LARGE1: variants seen among roughly 807,000 people sequenced by gnomAD.
LARGE1 encodes xylosyl- and glucuronyltransferase LARGE1.
In LARGE1, 43 loss-of-function variants were observed where a neutral mutation model predicts 87.6. The ratio of observed to expected loss-of-function variants is 0.49; its 90% CI spans 0.38 to 0.63. The LOEUF (loss-of-function observed/expected upper bound fraction) is 0.63, where lower values mean the gene tolerates loss of function less well. Among genes scored for constraint, LARGE1 ranks in the 30% least tolerant of loss-of-function variants. The pLI is 0.00. For synonymous variants in LARGE1, 434 were observed against 394.6 expected (o/e 1.10, Z -1.18); for missense variants, 802 against 1,000.2 (o/e 0.80, Z 2.67).
chr22:33,464,293 A>G (rs1452068886), intron 6 of LARGE1, among the ~76,000 whole-genome samples: 1 of 152,218 alleles, frequency 6.6e-6, no homozygotes, highest in African/African-American at 2.4e-5. Flanking sequence ...GAATACAATA[A>G]GAAGAGTATT....
chr22:33,403,015 G>A (rs1363149047), intron 7 of LARGE1, among the ~76,000 whole-genome samples: 1 of 152,156 alleles, frequency 6.6e-6, no homozygotes, highest in African/African-American at 2.4e-5. Context: ...ATGGGGTGAT[G>A]TGGAATATGA....
intron 6 of LARGE1, among the ~76,000 whole-genome samples, chr22:33,518,133 A>G (rs889598418): frequency 3.9e-5 from 6 of 152,230 alleles, no homozygotes; most frequent in African/African-American, 1.2e-4. Flanking sequence ...AAGCTAGAAT[A>G]ATGGTTAATG....
intron 6 of LARGE1, among the ~76,000 whole-genome samples, chr22:33,535,310 G>A (rs772967937): frequency 2.0e-5 from 3 of 152,168 alleles, no homozygotes; most frequent in Non-Finnish European, 4.4e-5. Context: ...TTGGGAGGCC[G>A]AGGTGGGTGG....
chr22:33,091,364 C>T, the LARGE1 span, among the ~76,000 whole-genome samples: 1 of 152,076 alleles, frequency 6.6e-6, no homozygotes, highest in Non-Finnish European at 1.5e-5. Context: ...AGTTCAAGAC[C>T]AGCCTGACCA....
intron 5 of LARGE1, among the ~76,000 whole-genome samples, chr22:33,567,886 G>C (rs2078074966): frequency 6.6e-6 from 1 of 152,146 alleles, no homozygotes; most frequent in African/African-American, 2.4e-5. Context: ...TTCTGAGTTA[G>C]TTCACTTAGG....
chr22:33,592,692 C>T (rs1032658248), intron 5 of LARGE1, among the ~76,000 whole-genome samples: 1 of 147,906 alleles, frequency 6.8e-6, no homozygotes, highest in African/African-American at 2.6e-5. Context: ...ACTCTGTACA[C>T]ACTGTCTGCC....
Position 33,909,541 on chromosome 22 carries a change from T to C in LARGE1, c.-83+10454A>G, listed in dbSNP as rs1294014413. ...TCTTTTGTTTTTTTTTTTTTGTTTTTGTTTTTGTTTTTGAGACGGAGTCTC... is the reference window on the plus strand; with the variant it reads ...TCTTTTGTTTTTTTTTTTTTGTTTTCGTTTTTGTTTTTGAGACGGAGTCTC... On this transcript the variant is annotated intron_variant, in intron 1 of 14. Transcript: ENST00000397394. Among the ~76,000 whole-genome samples, 4 of 151,778 alleles carry C rather than the reference T, an allele frequency of 2.6e-5. No individual in the cohort carries two copies. The East Asian group carries it at 7.8e-4, about 29-fold the overall frequency.
At chr22:33,376,085 A>T (rs1008483827) in intron 9 of LARGE1, among the ~76,000 whole-genome samples, 1 of 152,210 alleles carries the variant, frequency 6.6e-6, no homozygotes, top group African/African-American at 2.4e-5. Context: ...TTTCTTCCAG[A>T]AATATTTTAA....
chr22:33,184,727 C>A (rs1350437852), intron 11 of LARGE1, among the ~76,000 whole-genome samples: 1 of 151,864 alleles, frequency 6.6e-6, no homozygotes, highest in African/African-American at 2.4e-5. Context: ...AAATGAACAA[C>A]CTAATTCTAA....
At chr22:33,753,536 T>C (rs898366251) in intron 2 of LARGE1, among the ~76,000 whole-genome samples, 2 of 152,018 alleles carry the variant, frequency 1.3e-5, no homozygotes, top group African/African-American at 4.8e-5. Context: ...ATAATAAATG[T>C]ATGGTTTTTT....
intron 6 of LARGE1, among the ~76,000 whole-genome samples, chr22:33,487,174 T>C (rs1403316195): frequency 1.3e-5 from 2 of 152,186 alleles, no homozygotes; most frequent in African/African-American, 4.8e-5. Flanking sequence ...AAATTATTCA[T>C]TCATTCACCT....
At chr22:33,486,424 TA>T (rs1156580405) in intron 6 of LARGE1, among the ~76,000 whole-genome samples, 1 of 152,120 alleles carries the variant, frequency 6.6e-6, no homozygotes, top group East Asian at 1.9e-4. Flanking sequence ...ATCAATTGGC[TA>T]ATCAGCACAG....
intron 2 of LARGE1, among the ~76,000 whole-genome samples, chr22:33,735,461 G>A (rs572677451): frequency 5.3e-4 from 80 of 152,078 alleles, no homozygotes; most frequent in African/African-American, 1.7e-3. Context: ...ACAGAGGTCC[G>A]TCCTAGCTAA....
intron 1 of LARGE1, among the ~76,000 whole-genome samples, chr22:33,898,279 T>C (rs1480397972): frequency 1.3e-5 from 2 of 151,994 alleles, no homozygotes; most frequent in Admixed American, 6.6e-5. Context: ...ACGGTTCCCT[T>C]GATCTGGGCC....
At chr22:33,800,566 T>C (rs758562305) in intron 1 of LARGE1, among the ~76,000 whole-genome samples, 17 of 152,176 alleles carry the variant, frequency 1.1e-4, no homozygotes, top group Non-Finnish European at 2.2e-4. Flanking sequence ...CACCCCACCC[T>C]AGTCCCTGGC....
In LARGE1 at chr22:33,881,151, G is replaced by A. The variant is rs114649782; in HGVS notation, c.-83+38844C>T. Among the ~76,000 whole-genome samples, 1,278 of 152,132 alleles carry A rather than the reference G, an allele frequency of 8.4e-3. 14 individuals are homozygous for A. The highest frequency in any genetic ancestry group is 0.029 in the African/African-American group (1,218 of 41,470). On this transcript the variant is annotated intron_variant, in intron 1 of 14. Transcript: ENST00000397394. ...CAGGCTCCCATATGGAGAGTCTGACGTTCCAGATGCCTTCTTGTGTACCAG... is the reference window on the plus strand; with the variant it reads ...CAGGCTCCCATATGGAGAGTCTGACATTCCAGATGCCTTCTTGTGTACCAG...
intron 1 of LARGE1, chr22:33,861,740 A>T (rs2063929408): frequency 6.6e-6 from 1 of 152,224 alleles, no homozygotes; most frequent in Non-Finnish European, 1.5e-5. Flanking sequence ...GGATTATGCA[A>T]CTCACTTCTG....
chr22:33,172,050 G>C (rs1405973620), intron 11 of LARGE1, among the ~76,000 whole-genome samples: 2 of 152,232 alleles, frequency 1.3e-5, no homozygotes, highest in African/African-American at 4.8e-5. Context: ...GCATCAGCCT[G>C]CCCTGGATGT....
rs141383787 is a variant in LARGE1, at chr22:33,869,956, G to A, written c.-83+50039C>T. Among the ~76,000 whole-genome samples the A allele has an allele frequency of 2.2e-3, 341 of 152,288 alleles. 2 individuals are homozygous for A. The highest frequency in any genetic ancestry group is 7.5e-3 in the African/African-American group (310 of 41,568). ...GGTTCAATACTTCATGTGGAGTCTCGCATTTCACCCTAGTTATGAGTTGAA... is the reference window on the plus strand; with the variant it reads ...GGTTCAATACTTCATGTGGAGTCTCACATTTCACCCTAGTTATGAGTTGAA... On this transcript the variant is annotated intron_variant, in intron 1 of 14. Coordinates refer to ENST00000397394, the MANE Select transcript of LARGE1 (RefSeq NM_133642.5).
Sources: gnomAD v4.1 joint callset for allele counts (sites outside exome capture counted in the v4.1 genomes callset) on GRCh38, gnomAD v4.1.1 for gene constraint, MANE v1.5 for transcripts, NCBI Gene and HGNC (gene_info 2026-07-23, HGNC 2026-07-21) for gene names.